Variants in SORCS2 observed in about 807,000 individuals in gnomAD.
SORCS2 encodes the protein VPS10 domain-containing receptor SorCS2.
Under a neutral mutation model 141.6 loss-of-function variants are expected in SORCS2, and 100 were observed. That is an observed-to-expected ratio of 0.71 (90% CI 0.60 to 0.83). SORCS2 has a LOEUF of 0.83. Ranked by LOEUF, SORCS2 falls within the 40% of genes least tolerant of loss-of-function variation. The probability of loss-of-function intolerance (pLI) is 0.00; values close to 1 mark genes in which losing one functional copy is unlikely to be tolerated. For missense variants in SORCS2, 1,646 were observed against 1,560.2 expected (o/e 1.05, Z -0.93); for synonymous variants, 789 against 676.9 (o/e 1.17, Z -2.57).
intron 2 of SORCS2, among the ~76,000 whole-genome samples, chr4:7,408,101 G>T (rs1382299443): frequency 6.6e-6 from 1 of 152,126 alleles, no homozygotes; most frequent in Admixed American, 6.5e-5. Context: ...GTTATGAGTG[G>T]ATTGTGTATC....
At chr4:7,276,982 G>T (rs147331812) in intron 1 of SORCS2, among the ~76,000 whole-genome samples, 203 of 152,322 alleles carry the variant, frequency 1.3e-3, no homozygotes, top group African/African-American at 4.8e-3. Flanking sequence ...GTCCACACTA[G>T]AGTGACCCTG....
At chr4:7,473,771 C>A (rs1730123615) in intron 2 of SORCS2, among the ~76,000 whole-genome samples, 1 of 152,082 alleles carries the variant, frequency 6.6e-6, no homozygotes, top group Non-Finnish European at 1.5e-5. Context: ...GGGCGCGGTC[C>A]TGGCATGGGG....
At chr4:7,720,793 G>A (rs79905825) in intron 18 of SORCS2, among the ~76,000 whole-genome samples, 9,877 of 152,266 alleles carry the variant, frequency 0.065, 581 homozygotes, top group African/African-American at 0.15. Context: ...ACATCACTGC[G>A]CACCTATCAG....
At chr4:7,557,852 C>A (rs1714250490) in intron 3 of SORCS2, among the ~76,000 whole-genome samples, 1 of 152,160 alleles carries the variant, frequency 6.6e-6, no homozygotes, top group South Asian at 2.1e-4. Context: ...GAAGAGTAGC[C>A]CTGCACCCAC....
intron 9 of SORCS2, among the ~76,000 whole-genome samples, chr4:7,681,224 G>A (rs1050646829): frequency 6.6e-6 from 1 of 152,216 alleles, no homozygotes; most frequent in Admixed American, 6.5e-5. Context: ...GAACCTGCAT[G>A]TATGTTACCT....
chr4:7,314,340 TATTTTTTTTTA>T (rs1560185149), intron 1 of SORCS2, among the ~76,000 whole-genome samples: 1,282 of 55,666 alleles, frequency 0.023, 40 homozygotes, highest in South Asian at 0.027. Context: ...TTATTTTTTT[TATTTTTTTTTA>T]TTTTTTGAGA....
intron 1 of SORCS2, among the ~76,000 whole-genome samples, chr4:7,367,021 G>T (rs561839294): frequency 2.0e-5 from 3 of 152,186 alleles, no homozygotes; most frequent in Non-Finnish European, 4.4e-5. Flanking sequence ...TTCCCAAGCC[G>T]GCTGCCCCAG....
In SORCS2 at chr4:7,193,813, C is replaced by T. The variant is rs1197212763; in HGVS notation, c.480+687C>T. Reference sequence around the variant, plus strand: ...CTGGCACAGCAAACTCCCTGCCCTCCCCCCACCTTCCCGGCTACTCTGGCT... The same window carrying T: ...CTGGCACAGCAAACTCCCTGCCCTCTCCCCACCTTCCCGGCTACTCTGGCT... On this transcript the variant is annotated intron_variant, in intron 1 of 26. Transcript: ENST00000507866. This position sits in a 1 kb window ranked among gnomAD's most constrained non-coding sequence, Gnocchi z 4.8. 2.0e-5 allele frequency among the ~76,000 whole-genome samples: 3 copies of T among 152,200 alleles called. No homozygotes were observed. The highest frequency in any genetic ancestry group is 6.5e-5 in the Admixed American group (1 of 15,288).
intron 2 of SORCS2, among the ~76,000 whole-genome samples, chr4:7,450,872 ATGAG>A (rs1160392645): frequency 1.3e-5 from 2 of 152,158 alleles, no homozygotes; most frequent in Non-Finnish European, 2.9e-5. Flanking sequence ...GAGTGAACGC[ATGAG>A]TGACTGAGTG....
intron 9 of SORCS2, among the ~76,000 whole-genome samples, chr4:7,682,474 C>A (rs1207072797): frequency 2.0e-5 from 3 of 152,160 alleles, no homozygotes; most frequent in Non-Finnish European, 2.9e-5. Context: ...GTGTCTGGAC[C>A]TGGGAGAACA....
chr4:7,359,060 C>G (rs996939884), intron 1 of SORCS2, among the ~76,000 whole-genome samples: 1 of 152,198 alleles, frequency 6.6e-6, no homozygotes, highest in Non-Finnish European at 1.5e-5. Flanking sequence ...CTTCGGGAGG[C>G]CGAGGCAGGG....
intron 3 of SORCS2, among the ~76,000 whole-genome samples, chr4:7,603,370 C>A (rs182639900): frequency 1.3e-5 from 2 of 152,126 alleles, no homozygotes; most frequent in African/African-American, 4.8e-5. Flanking sequence ...AATGGCAAAT[C>A]CTCTGTTCTG....
chr4:7,324,760 G>C (rs1719131756), intron 1 of SORCS2, among the ~76,000 whole-genome samples: 2 of 152,230 alleles, frequency 1.3e-5, no homozygotes, highest in African/African-American at 4.8e-5. Flanking sequence ...GGAAAGTGTG[G>C]GTGTGAGGTG....
At chr4:7,486,220 G>A (rs760197335) in intron 2 of SORCS2, among the ~76,000 whole-genome samples, 4 of 152,248 alleles carry the variant, frequency 2.6e-5, no homozygotes, top group Non-Finnish European at 5.9e-5. Context: ...CCAGTGGAGG[G>A]GGGCCCTCCA....
At chr4:7,316,828 T>A (rs1189841070) in intron 1 of SORCS2, among the ~76,000 whole-genome samples, 2 of 152,192 alleles carry the variant, frequency 1.3e-5, no homozygotes, top group Non-Finnish European at 2.9e-5. Context: ...GCTAGAGGCA[T>A]GTTGCCACCT....
At chr4:7,552,181 GAAAC>G (rs1713760881) in intron 3 of SORCS2, among the ~76,000 whole-genome samples, 1 of 152,182 alleles carries the variant, frequency 6.6e-6, no homozygotes, top group Non-Finnish European at 1.5e-5. Context: ...CAGGGAAACA[GAAAC>G]CTGTTTCCCA....
rs187166261 is a variant in SORCS2 at position 7,687,454 on chromosome 4, G to A, written c.1489-2032G>A. Reference sequence around the variant, plus strand: ...AGAAAAATCTATTGCAGCGGGCAACGTCTTAACACCTCACAGGTTTTCATT... The same window carrying A: ...AGAAAAATCTATTGCAGCGGGCAACATCTTAACACCTCACAGGTTTTCATT... On this transcript the variant is annotated intron_variant, in intron 10 of 26. Coordinates refer to ENST00000507866, the MANE Select transcript of SORCS2 (RefSeq NM_020777.3). Among the ~76,000 whole-genome samples the A allele has an allele frequency of 3.3e-5, 5 of 152,280 alleles. No homozygotes were observed. The East Asian group carries it at 7.7e-4, about 24-fold the overall frequency.
intron 1 of SORCS2, among the ~76,000 whole-genome samples, chr4:7,249,490 G>A (rs1477456005): frequency 6.6e-6 from 1 of 152,182 alleles, no homozygotes; most frequent in Non-Finnish European, 1.5e-5. Context: ...AAGGGGAGGG[G>A]ACATATTCAC....
chr4:7,427,851 G>GC (rs971233949), intron 2 of SORCS2, among the ~76,000 whole-genome samples: 11 of 130,648 alleles, frequency 8.4e-5, no homozygotes, highest in East Asian at 2.4e-4. Context: ...CCGCCCCCCC[G>GC]CCCCCCCGCA....
Sources: gnomAD v4.1 joint callset for allele counts (sites outside exome capture counted in the v4.1 genomes callset) on GRCh38, gnomAD v4.1.1 for gene constraint, Gnocchi (gnomAD v3.1) non-coding constraint, MANE v1.5 for transcripts, NCBI Gene and HGNC (gene_info 2026-07-23, HGNC 2026-07-21) for gene names.